The following SCHIP1 variants were observed in gnomAD, a reference collection of about 807,000 sequenced individuals.
SCHIP1 encodes the protein schwannomin-interacting protein 1.
In SCHIP1, 8 loss-of-function variants were observed where a neutral mutation model predicts 29.7. That is an observed-to-expected ratio of 0.27 (90% confidence interval 0.16 to 0.49). SCHIP1 has a LOEUF of 0.49. SCHIP1 is among the 20% of genes least tolerant of loss of function. The probability of loss-of-function intolerance (pLI) is 0.99; values close to 1 mark genes in which losing one functional copy is unlikely to be tolerated. For synonymous variants in SCHIP1, 76 were observed against 94.9 expected (o/e 0.80, Z 1.16); for missense variants, 193 against 294.6 (o/e 0.66, Z 2.52).
At chr3:159,491,895 G>A in the SCHIP1 span, among the ~76,000 whole-genome samples, 1 of 152,208 alleles carries the variant, frequency 6.6e-6, no homozygotes, top group African/African-American at 2.4e-5. Context: ...ACTGCTCTGA[G>A]ACAAAACTTC....
chr3:159,686,014 C>T, the SCHIP1 span, among the ~76,000 whole-genome samples: 770 of 152,278 alleles, frequency 5.1e-3, 10 homozygotes, highest in Admixed American at 0.024. Context: ...TGAGCTATGG[C>T]TACAATGGAT....
chr3:159,762,356 A>G, the SCHIP1 span, among the ~76,000 whole-genome samples: 1 of 152,326 alleles, frequency 6.6e-6, no homozygotes, highest in Non-Finnish European at 1.5e-5. Flanking sequence ...CTAGCACAGG[A>G]GAGTCGTGCC....
chr3:159,634,119 GA>G, the SCHIP1 span, among the ~76,000 whole-genome samples: 1 of 152,138 alleles, frequency 6.6e-6, no homozygotes, highest in South Asian at 2.1e-4. Flanking sequence ...GGGTAAATTA[GA>G]GAGCTTAGTA....
At chr3:159,793,295 C>T in the SCHIP1 span, among the ~76,000 whole-genome samples, 3 of 152,142 alleles carry the variant, frequency 2.0e-5, no homozygotes, top group African/African-American at 7.2e-5. Context: ...GTAGTTTTAA[C>T]ATGCAATCAG....
chr3:159,373,765 C>T, the SCHIP1 span, among the ~76,000 whole-genome samples: 1 of 152,036 alleles, frequency 6.6e-6, no homozygotes, highest in African/African-American at 2.4e-5. Flanking sequence ...CTGGATAGTA[C>T]ATTGTGTATA....
chr3:159,801,470 A>G, the SCHIP1 span, among the ~76,000 whole-genome samples: 1 of 152,332 alleles, frequency 6.6e-6, no homozygotes, highest in East Asian at 1.9e-4. Context: ...GAATCAAATG[A>G]TGAAGACTAT....
chr3:159,300,113 CTTTT>C, the SCHIP1 span, among the ~76,000 whole-genome samples: 7 of 45,358 alleles, frequency 1.5e-4, no homozygotes, highest in South Asian at 8.0e-4. Context: ...GGGAAAGCTG[CTTTT>C]TTTTTTTTTT....
the SCHIP1 span, among the ~76,000 whole-genome samples, chr3:159,478,011 C>T: frequency 6.9e-6 from 1 of 144,750 alleles, no homozygotes; most frequent in Non-Finnish European, 1.5e-5. Flanking sequence ...CAACCTCCAT[C>T]TCCTGGGTTC....
the SCHIP1 span, among the ~76,000 whole-genome samples, chr3:159,526,528 A>G: frequency 6.6e-6 from 1 of 152,114 alleles, no homozygotes; most frequent in Non-Finnish European, 1.5e-5. Context: ...AGCATAAATC[A>G]TTTGTTCCTA....
At chr3:159,344,528 C>T in the SCHIP1 span, among the ~76,000 whole-genome samples, 5 of 152,148 alleles carry the variant, frequency 3.3e-5, no homozygotes, top group South Asian at 1.0e-3. Context: ...GATCTTTCTC[C>T]CCAAACACAC....
At chr3:159,547,616 T>G in the SCHIP1 span, among the ~76,000 whole-genome samples, 1 of 152,180 alleles carries the variant, frequency 6.6e-6, no homozygotes. Flanking sequence ...GGGGTCCAGT[T>G]TCAGTTTTCT....
At chr3:159,385,575 CAA>C in the SCHIP1 span, among the ~76,000 whole-genome samples, 4 of 133,152 alleles carry the variant, frequency 3.0e-5, no homozygotes, top group African/African-American at 5.6e-5. Context: ...AACAAACAAA[CAA>C]AAAAAAAAAA....
At chr3:159,367,960 A>C in the SCHIP1 span, among the ~76,000 whole-genome samples, 4 of 152,164 alleles carry the variant, frequency 2.6e-5, no homozygotes, top group Non-Finnish European at 5.9e-5. Flanking sequence ...AAGATAGCAC[A>C]TTACTGCTTT....
chr3:159,565,936 TACTC>T, the SCHIP1 span, among the ~76,000 whole-genome samples: 1 of 152,212 alleles, frequency 6.6e-6, no homozygotes, highest in Non-Finnish European at 1.5e-5. Context: ...GATAATCACT[TACTC>T]TATATATGTC....
At chr3:159,661,421 C>T in the SCHIP1 span, among the ~76,000 whole-genome samples, 1 of 152,136 alleles carries the variant, frequency 6.6e-6, no homozygotes, top group African/African-American at 2.4e-5. Context: ...TTTATTTGAG[C>T]CCCTACCATG....
At chr3:159,364,190 G>A in the SCHIP1 span, among the ~76,000 whole-genome samples, 3,775 of 152,216 alleles carry the variant, frequency 0.025, 57 homozygotes, top group South Asian at 0.05. Context: ...TAAGAACTGC[G>A]TATTAGGGAA....
the SCHIP1 span, among the ~76,000 whole-genome samples, chr3:159,817,241 C>T: frequency 6.6e-6 from 1 of 151,830 alleles, no homozygotes; most frequent in Admixed American, 6.6e-5. Context: ...TTTTCTTTTG[C>T]AGACTAAGAA....
At chr3:159,889,572 C>T (rs987876892) in intron 5 of SCHIP1, among the ~76,000 whole-genome samples, 3 of 152,054 alleles carry the variant, frequency 2.0e-5, no homozygotes, top group African/African-American at 7.2e-5. Flanking sequence ...GTGGTTAAGC[C>T]GATAAATTCA....
the SCHIP1 span, among the ~76,000 whole-genome samples, chr3:159,480,494 G>A: frequency 3.3e-5 from 5 of 152,132 alleles, no homozygotes; most frequent in South Asian, 1.0e-3. Context: ...ATGATGGCTT[G>A]GAATAATTTA....
Sources: allele counts gnomAD v4.1 joint callset (sites outside exome capture counted in the v4.1 genomes callset), GRCh38; gene constraint gnomAD v4.1.1; transcripts MANE v1.5; gene names NCBI Gene and HGNC (gene_info 2026-07-23, HGNC 2026-07-21).